Variants in PCDHA12 observed in about 807,000 individuals in gnomAD.
PCDHA12 encodes the protein protocadherin alpha-12.
PCDHA12 carries 44 observed loss-of-function variants against 60.0 expected under a neutral mutation model. The observed-to-expected ratio is 0.73, with a 90% CI of 0.58 to 0.94. The LOEUF (loss-of-function observed/expected upper bound fraction) is 0.94. PCDHA12 is among the 40% of genes least tolerant of loss of function. PCDHA12 has a pLI of 0.00. For missense variants in PCDHA12, 1,276 were observed against 1,239.7 expected, an observed-to-expected ratio of 1.03 and a Z score of -0.44; for synonymous variants, 569 against 553.0, an observed-to-expected ratio of 1.03 and a Z score of -0.40.
chr5:140,928,152 T>G, intron 1 of PCDHA12: 1 of 1,614,200 alleles, frequency 6.2e-7, no homozygotes, highest in East Asian at 2.2e-5. Context: ...CCTCAGATAG[T>G]GGCTCACCCC....
intron 1 of PCDHA12, among the ~76,000 whole-genome samples, chr5:140,888,278 C>G (rs1204327118): frequency 2.0e-5 from 3 of 151,932 alleles, no homozygotes; most frequent in African/African-American, 7.3e-5. Flanking sequence ...CAGTTTTGTC[C>G]CCTCTACCCC....
chr5:140,933,166 T>C (rs1447932546), intron 1 of PCDHA12, among the ~76,000 whole-genome samples: 1 of 152,002 alleles, frequency 6.6e-6, no homozygotes, highest in African/African-American at 2.4e-5. Context: ...CCAATTTTAA[T>C]TGATGGCATA....
In PCDHA12 at chr5:140,884,156, G is replaced by C. The variant is rs1554181298; in HGVS notation, c.2367+6317G>C. 1 of 1,613,448 alleles carries C rather than the reference G, an allele frequency of 6.2e-7. No homozygotes were observed. Among genetic ancestry groups the C allele is most frequent in the Admixed American group, 1.7e-5 (1 of 60,012 alleles). On this transcript the variant is annotated intron_variant, in intron 1 of 3. Transcript: ENST00000398631. ...GTTCCGCGTGGGGCTGTACACTGGC[G>C]AGATCAGCACGACGCGCCCTCTGGA...
chr5:140,968,715 A>G, intron 1 of PCDHA12: 1 of 1,614,132 alleles, frequency 6.2e-7, no homozygotes, highest in Non-Finnish European at 8.5e-7. Context: ...AAGATGGGAG[A>G]TGAGAGTGGT....
intron 1 of PCDHA12, among the ~76,000 whole-genome samples, chr5:140,941,241 TTCTTTCTTTCTTTC>T (rs1247398838): frequency 5.8e-4 from 81 of 140,456 alleles, no homozygotes; most frequent in African/African-American, 2.0e-3. Flanking sequence ...CTTTCTTTCT[TTCTTTCTTTCTTTC>T]TCTTTCTTTC....
chr5:140,876,791 G>C lies in PCDHA12; in HGVS notation c.1319G>C (p.Arg440Thr), dbSNP rs782617794. 4.3e-6 allele frequency: 7 copies of C among 1,614,242 alleles called. No homozygotes were observed. The Admixed American group carries it at 1.2e-4, about 27-fold the overall frequency. Residue 440 changes from arginine (R) to threonine (T), a missense_variant, in exon 1 of 4, where the codon AGA becomes ACA. Arg to Thr is a moderately conservative substitution (Grantham distance 71). Coordinates refer to ENST00000398631, the MANE Select transcript of PCDHA12 (RefSeq NM_018903.4). Reference protein sequence around the residue: ...GGSPSLWATARVSVEVADVND... With the variant: ...GGSPSLWATATVSVEVADVND... ...TCGCCTTCGCTGTGGGCCACGGCTA[G>C]AGTGTCCGTGGAGGTGGCCGACGTG...
intron 1 of PCDHA12, among the ~76,000 whole-genome samples, chr5:140,912,539 T>C (rs2075967162): frequency 6.6e-6 from 1 of 152,172 alleles, no homozygotes; most frequent in Non-Finnish European, 1.5e-5. Flanking sequence ...CATGATCATA[T>C]TGTCAGCAAA....
At chr5:140,882,839 T>C (rs1554175751) in intron 1 of PCDHA12, 1 of 1,614,218 alleles carries the variant, frequency 6.2e-7, no homozygotes, top group South Asian at 1.1e-5. Flanking sequence ...GCAAATGTCT[T>C]CATTATCACT....
intron 1 of PCDHA12, among the ~76,000 whole-genome samples, chr5:140,965,185 CAT>C (rs782612335): frequency 4.6e-5 from 7 of 152,138 alleles, no homozygotes; most frequent in Non-Finnish European, 1.0e-4. Flanking sequence ...TTTTTTTGCA[CAT>C]GAGGCAATAG....
intron 3 of PCDHA12, among the ~76,000 whole-genome samples, chr5:140,998,895 A>G (rs545479952): frequency 1.3e-4 from 20 of 152,354 alleles, no homozygotes; most frequent in Non-Finnish European, 1.8e-4. Flanking sequence ...ATAAATAACA[A>G]TGCCTCCGGG....
rs1252148937 is a variant in PCDHA12 at position 141,009,582 on chromosome 5, G to T, written c.2516-45G>T. On this transcript the variant is annotated intron_variant, in intron 3 of 3. Coordinates refer to ENST00000398631, the MANE Select transcript of PCDHA12 (RefSeq NM_018903.4). ...CTCTACCAGCAGTGTGGCATCAAGA[G>T]CATGTGTTGACCCTGTTAATGATTT... 16 of 1,590,108 alleles carry T rather than the reference G, an allele frequency of 1.0e-5. No homozygotes were observed. In the African/African-American group the frequency reaches 2.0e-4, roughly 20 times the overall value.
chr5:140,912,746 A>T (rs1322674627), intron 1 of PCDHA12, among the ~76,000 whole-genome samples: 1 of 152,200 alleles, frequency 6.6e-6, no homozygotes, highest in Non-Finnish European at 1.5e-5. Flanking sequence ...TGGGTCTGTC[A>T]TAGATGGCTT....
At chr5:140,969,180 C>T in intron 1 of PCDHA12, 1 of 1,614,110 alleles carries the variant, frequency 6.2e-7, no homozygotes, top group Non-Finnish European at 8.5e-7. Context: ...GGGAGTGACA[C>T]TTTCATGTTT....
At chr5:140,962,319 T>A (rs1585921663) in intron 1 of PCDHA12, among the ~76,000 whole-genome samples, 1 of 152,226 alleles carries the variant, frequency 6.6e-6, no homozygotes, top group Admixed American at 6.5e-5. Context: ...GCCATCTCAA[T>A]TGAGAATACT....
At chr5:140,909,378 C>T (rs544117185) in intron 1 of PCDHA12, among the ~76,000 whole-genome samples, 1 of 152,264 alleles carries the variant, frequency 6.6e-6, no homozygotes, top group Admixed American at 6.5e-5. Context: ...GCAATGAAAC[C>T]ACATCTAGTA....
intron 3 of PCDHA12, among the ~76,000 whole-genome samples, chr5:140,990,912 A>G (rs1415853627): frequency 1.3e-5 from 2 of 152,148 alleles, no homozygotes; most frequent in African/African-American, 4.8e-5. Context: ...CAAGTTTTAT[A>G]AGTCTTTAAA....
In PCDHA12 at chr5:140,877,039, C is replaced by T. The variant is rs782458785; in HGVS notation, c.1567C>T (p.Leu523=). ...CGGCAAGGTGTACGCGCTGCAGCCG[C>T]TAGACCACGAGGAGCTGGAGCTGCT... is the stretch of plus-strand genomic sequence containing the variant. The part of the protein sequence containing the change: ...ESGKVYALQP[L]DHEELELLQF... The change falls in exon 1 of 4, where the codon CTA becomes TTA. Residue 523 remains leucine (L), a synonymous_variant. Transcript: ENST00000398631. The T allele has an allele frequency of 3.7e-6, 6 of 1,612,576 alleles. No homozygotes were observed. In the African/African-American group the frequency reaches 5.3e-5, roughly 14 times the overall value.
intron 1 of PCDHA12, chr5:140,927,118 G>T (rs2083863389): frequency 6.2e-7 from 1 of 1,613,946 alleles, no homozygotes; most frequent in East Asian, 2.2e-5. Context: ...CGGCAATTTG[G>T]TGGTCAGAGA....
Position 140,877,255 on chromosome 5 carries a change from C to A in PCDHA12, c.1783C>A (p.Arg595Ser), listed in dbSNP as rs1554169516. The change falls in exon 1 of 4, where the codon CGC (arginine) becomes AGC (serine). Residue 595 changes from arginine to serine, a missense_variant. Physicochemically the swap from Arg to Ser is moderately radical, Grantham distance 110 (BLOSUM62 -1). Transcript: ENST00000398631. ...VGAGHVVAKV[R>S]AVDADSGYNA... Reference sequence around the variant, plus strand: ...TGCGGGCCACGTGGTGGCGAAAGTGCGCGCGGTGGACGCTGACTCCGGCTA... The same window carrying A: ...TGCGGGCCACGTGGTGGCGAAAGTGAGCGCGGTGGACGCTGACTCCGGCTA... 2 of 1,613,708 alleles carry A rather than the reference C, an allele frequency of 1.2e-6. No individual in the cohort carries two copies. The highest frequency in any genetic ancestry group is 8.5e-7 in the Non-Finnish European group (1 of 1,179,760).
Sources: allele counts gnomAD v4.1 joint callset (sites outside exome capture counted in the v4.1 genomes callset), GRCh38; gene constraint gnomAD v4.1.1; transcripts MANE v1.5; gene names NCBI Gene and HGNC (gene_info 2026-07-23, HGNC 2026-07-21).